The following TBX4 variants were observed in gnomAD, a reference collection of about 807,000 sequenced individuals.
The protein encoded by TBX4 is T-box transcription factor 4, also known as T-box transcription factor TBX4.
In TBX4, 13 loss-of-function variants were observed where a neutral mutation model predicts 54.6. That is an observed-to-expected ratio of 0.24 (90% confidence interval 0.15 to 0.38). The LOEUF (loss-of-function observed/expected upper bound fraction) is 0.38, where lower values mean the gene tolerates loss of function less well. TBX4 is among the 10% of genes least tolerant of loss of function. The pLI, the probability that TBX4 is intolerant of heterozygous loss-of-function variation, is 1.00. For synonymous variants in TBX4, 314 were observed against 306.7 expected (o/e 1.02, Z -0.25); for missense variants, 631 against 728.5 (o/e 0.87, Z 1.54).
intron 5 of TBX4, among the ~76,000 whole-genome samples, chr17:61,473,347 C>T (rs1006963688): frequency 6.6e-6 from 1 of 152,340 alleles, no homozygotes; most frequent in South Asian, 2.1e-4. Flanking sequence ...GGTTTCCAAT[C>T]ACTGTGACAT....
chr17:61,472,304 A>G lies in TBX4; in HGVS notation c.549+4647A>G, dbSNP rs2060586062. Among the ~76,000 whole-genome samples the G allele has an allele frequency of 6.6e-6, 1 of 152,204 alleles. No homozygotes were observed. The highest frequency in any genetic ancestry group is 2.4e-5 in the African/African-American group (1 of 41,440). On this transcript the variant is annotated intron_variant, in intron 5 of 8. Transcript: ENST00000644296. This position sits in a 1 kb window ranked among gnomAD's most constrained non-coding sequence, Gnocchi z 4.5. ...TTTCCACCACTGCTGTGGCCTTACC[A>G]ATAAGGGCGGGAGAGCAAACTTGTG...
chr17:61,480,145 C>A lies in TBX4; in HGVS notation c.847C>A (p.Gln283Lys). Residue 283 changes from glutamine (Q) to lysine (K), a missense_variant, in exon 8 of 9, where the codon CAG becomes AAG. Coordinates refer to ENST00000644296, the MANE Select transcript of TBX4 (RefSeq NM_001321120.2). This position sits in a 1 kb window ranked among gnomAD's most constrained non-coding sequence, Gnocchi z 6.2. ...CATGAGGCAGAGGCTCATCTCCCCC[C>A]AGCTCTCAGCCACACCGGACGTGGG... ...SIMRQRLISP[Q>K]LSATPDVGPL... is the part of the protein sequence containing the mutation. 2 of 1,614,152 alleles carry A rather than the reference C, an allele frequency of 1.2e-6. No individual in the cohort carries two copies. Among genetic ancestry groups the A allele is most frequent in the Admixed American group, 3.3e-5 (2 of 60,026 alleles).
chr17:61,458,482 A>G (rs1047047048), intron 3 of TBX4, among the ~76,000 whole-genome samples: 1 of 151,972 alleles, frequency 6.6e-6, no homozygotes, highest in Non-Finnish European at 1.5e-5. Context: ...GTCCCTGAGG[A>G]CAGATTAGGT....
intron 3 of TBX4, among the ~76,000 whole-genome samples, chr17:61,463,897 C>T (rs1476321193): frequency 6.6e-6 from 1 of 152,152 alleles, no homozygotes; most frequent in Non-Finnish European, 1.5e-5. Context: ...GCTGCCCTCC[C>T]TGCTTCAGCT....
chr17:61,467,008 AG>A (rs1252925585), intron 4 of TBX4, among the ~76,000 whole-genome samples: 9 of 152,132 alleles, frequency 5.9e-5, no homozygotes, highest in African/African-American at 2.2e-4. Flanking sequence ...AAATGTAAAA[AG>A]TTAACTGGGC....
At chr17:61,477,475 G>A (rs750923180) in intron 5 of TBX4, among the ~76,000 whole-genome samples, 1 of 152,212 alleles carries the variant, frequency 6.6e-6, no homozygotes, top group African/African-American at 2.4e-5. Context: ...GGGATCGGGG[G>A]CCTCTTGCCT....
chr17:61,457,737 C>CAGAGAGGCCTCCCA lies in TBX4; in HGVS notation c.281+106_281+107insAGAGAGGCCTCCCA. The CAGAGAGGCCTCCCA allele has an allele frequency of 9.4e-7, 1 of 1,063,456 alleles. No individual in the cohort carries two copies. The highest frequency in any genetic ancestry group is 1.4e-6 in the Non-Finnish European group (1 of 712,440). 65.9% of individuals were successfully genotyped at this position (1,063,456 alleles called of 1,614,324 possible). ...CCCCGGCCTGGTGGCCTGTGGGAGG[C>CAGAGAGGCCTCCCA]CTCTCTGCCTCCTCGGGCGTCAGTG... On this transcript the variant is annotated intron_variant, in intron 3 of 8. Transcript: ENST00000644296. This position sits in a 1 kb window ranked among gnomAD's most constrained non-coding sequence, Gnocchi z 8.2.
At chr17:61,454,656 C>T (rs967008774) in intron 1 of TBX4, among the ~76,000 whole-genome samples, 12 of 152,240 alleles carry the variant, frequency 7.9e-5, no homozygotes, top group Non-Finnish European at 1.5e-4. Flanking sequence ...CTGAGCAGGC[C>T]TCGTCCCCAG....
In TBX4 at chr17:61,465,538, G is replaced by C. The variant is rs1421486212; in HGVS notation, c.282-281G>C. ...CTAGCCCCAAGTCTTAGGGGATTAT[G>C]GGGGAGGGGATAAGTGAATTTGGGA... On this transcript the variant is annotated intron_variant, in intron 3 of 8. Coordinates refer to ENST00000644296, the MANE Select transcript of TBX4 (RefSeq NM_001321120.2). The surrounding 1 kb of genome is among the most constrained non-coding windows in gnomAD (Gnocchi z 4.9). Among the ~76,000 whole-genome samples the C allele has an allele frequency of 6.6e-6, 1 of 152,222 alleles. No individual in the cohort carries two copies. The highest frequency in any genetic ancestry group is 1.5e-5 in the Non-Finnish European group (1 of 68,044).
At position 61,465,677 on chromosome 17, in the gene TBX4, A is replaced by C; in HGVS notation, c.282-142A>C. Reference sequence around the variant, plus strand: ...GGGCAGAGGGGGAAGTGAGTTGTGCAGGTCACACAGCTGTGACCAATGCCA... The same window carrying C: ...GGGCAGAGGGGGAAGTGAGTTGTGCCGGTCACACAGCTGTGACCAATGCCA... On this transcript the variant is annotated intron_variant, in intron 3 of 8. Coordinates refer to ENST00000644296, the MANE Select transcript of TBX4 (RefSeq NM_001321120.2). This position sits in a 1 kb window ranked among gnomAD's most constrained non-coding sequence, Gnocchi z 4.9. 2 of 1,066,810 alleles carry C rather than the reference A, an allele frequency of 1.9e-6. No homozygotes were observed. Among genetic ancestry groups the C allele is most frequent in the Non-Finnish European group, 2.8e-6 (2 of 705,256 alleles). 66.1% of individuals were successfully genotyped at this position (1,066,810 alleles called of 1,614,324 possible).
chr17:61,482,913 C>T lies in TBX4; in HGVS notation c.1038C>T (p.His346=). The change falls in exon 9 of 9, where the codon CAC becomes CAT. Residue 346 remains histidine (H), a synonymous_variant. Coordinates refer to ENST00000644296, the MANE Select transcript of TBX4 (RefSeq NM_001321120.2). ...GTCTTTCAGCAGACGGTACCCGCCA[C>T]CTGGACTTACCTTGCAAGCGATCCT... The part of the protein sequence containing the change: ...CLKRRADGTR[H]LDLPCKRSYL... The T allele has an allele frequency of 6.2e-7, 1 of 1,613,798 alleles. No homozygotes were observed. Among genetic ancestry groups the T allele is most frequent in the Non-Finnish European group, 8.5e-7 (1 of 1,179,888 alleles).
At position 61,465,810 on chromosome 17, in the gene TBX4, CT is replaced by C; in HGVS notation, c.282-8del. The C allele has an allele frequency of 6.2e-7, 1 of 1,613,950 alleles. No individual in the cohort carries two copies. The highest frequency in any genetic ancestry group is 8.5e-7 in the Non-Finnish European group (1 of 1,179,892). On this transcript the variant is annotated splice_region_variant and splice_polypyrimidine_tract_variant and intron_variant, in intron 3 of 8. Transcript: ENST00000644296. The surrounding 1 kb of genome is among the most constrained non-coding windows in gnomAD (Gnocchi z 4.9). ...CCACACGCTCCGCCTCACCCCTCGG[CT>C]CCCCCAGGAGGATGTTCCCCAGCTA...
At position 61,483,704 on chromosome 17, in the gene TBX4, T is replaced by A. The variant is rs2060684408; in HGVS notation, c.*188T>A. 2.6e-6 allele frequency: 2 copies of A among 770,310 alleles called. No individual in the cohort carries two copies. Among genetic ancestry groups the A allele is most frequent in the East Asian group, 5.5e-5 (2 of 36,204 alleles). 47.7% of individuals were successfully genotyped at this position (770,310 alleles called of 1,614,324 possible). A position where few individuals can be genotyped will look rare whatever the true frequency, so the allele number is the denominator to read the frequency against. ...GAGCATCCATCTTCTGACATACAAC[T>A]GAGGTCATGACAAGGAAAAAAAACA... On this transcript the variant is annotated 3_prime_UTR_variant, in exon 9 of 9. Transcript: ENST00000644296. This position sits in a 1 kb window ranked among gnomAD's most constrained non-coding sequence, Gnocchi z 6.6.
chr17:61,460,796 T>C lies in TBX4; in HGVS notation c.281+3165T>C, dbSNP rs1276042412. On this transcript the variant is annotated intron_variant, in intron 3 of 8. Coordinates refer to ENST00000644296, the MANE Select transcript of TBX4 (RefSeq NM_001321120.2). The surrounding 1 kb of genome is among the most constrained non-coding windows in gnomAD (Gnocchi z 4.4). ...CCTAACTGTCTCACTGCCCTACTCC[T>C]AGGTCAGGGTTTTGCCACCAGATAA... 1.3e-5 allele frequency among the ~76,000 whole-genome samples: 2 copies of C among 152,236 alleles called. No homozygotes were observed. Among genetic ancestry groups the C allele is most frequent in the East Asian group, 3.8e-4 (2 of 5,196 alleles).
rs575664617 is a variant in TBX4 at position 61,480,037 on chromosome 17, G to C, written c.792-53G>C. ...CAGGCACGTGGCCTCTGTGACCCTC[G>C]ATGTATCTTCACTCTCTTCCTGTCT... On this transcript the variant is annotated intron_variant, in intron 7 of 8. Coordinates refer to ENST00000644296, the MANE Select transcript of TBX4 (RefSeq NM_001321120.2). The surrounding 1 kb of genome is among the most constrained non-coding windows in gnomAD (Gnocchi z 6.2). The C allele has an allele frequency of 6.2e-7, 1 of 1,611,578 alleles. No individual in the cohort carries two copies. Among genetic ancestry groups the C allele is most frequent in the Non-Finnish European group, 8.5e-7 (1 of 1,177,928 alleles).
chr17:61,481,112 G>A lies in TBX4; in HGVS notation c.1021+793G>A, dbSNP rs964551473. 1.3e-5 allele frequency among the ~76,000 whole-genome samples: 2 copies of A among 152,136 alleles called. No homozygotes were observed. The highest frequency in any genetic ancestry group is 2.9e-5 in the Non-Finnish European group (2 of 68,040). On this transcript the variant is annotated intron_variant, in intron 8 of 8. Transcript: ENST00000644296. The surrounding 1 kb of genome is among the most constrained non-coding windows in gnomAD (Gnocchi z 4.8). ...CAGAGCTCCGAGATCCCCTGTACAAGTCTCATTAGAACTCAATGACCTAGA... is the reference window on the plus strand; with the variant it reads ...CAGAGCTCCGAGATCCCCTGTACAAATCTCATTAGAACTCAATGACCTAGA...
At chr17:61,470,947 G>A (rs190858014) in intron 5 of TBX4, among the ~76,000 whole-genome samples, 20 of 152,310 alleles carry the variant, frequency 1.3e-4, no homozygotes, top group South Asian at 1.0e-3. Flanking sequence ...GGGCATAGGC[G>A]GGACCTGTAT....
intron 4 of TBX4, among the ~76,000 whole-genome samples, chr17:61,467,270 T>C (rs1256583047): frequency 1.3e-5 from 2 of 152,240 alleles, no homozygotes; most frequent in Non-Finnish European, 2.9e-5. Context: ...CATTTCCCTG[T>C]AACCTCCCTT....
At position 61,479,508 on chromosome 17, in the gene TBX4, G is replaced by A. The variant is rs576853051; in HGVS notation, c.703-373G>A. Among the ~76,000 whole-genome samples the A allele has an allele frequency of 3.1e-4, 47 of 152,324 alleles. No individual in the cohort carries two copies. The highest frequency in any genetic ancestry group is 1.0e-3 in the African/African-American group (43 of 41,582). On this transcript the variant is annotated intron_variant, in intron 6 of 8. Transcript: ENST00000644296. The surrounding 1 kb of genome is among the most constrained non-coding windows in gnomAD (Gnocchi z 6.1). ...GCAGCAGGCCCGGGATGCTCACTGG[G>A]AAGATGTTACAGGTCCCCAGGAGAG...
Sources: gnomAD v4.1 joint callset for allele counts (sites outside exome capture counted in the v4.1 genomes callset) on GRCh38, gnomAD v4.1.1 for gene constraint, Gnocchi (gnomAD v3.1) non-coding constraint, MANE v1.5 for transcripts, NCBI Gene and HGNC (gene_info 2026-07-23, HGNC 2026-07-21) for gene names.